CHST9: variants seen among roughly 807,000 people sequenced by gnomAD.
The protein encoded by CHST9 is GalNAc-4-sulfotransferase 2.
Under a neutral mutation model 44.4 loss-of-function variants are expected in CHST9, and 41 were observed. The observed-to-expected ratio is 0.92, with a 90% CI of 0.72 to 1.20. CHST9 has a LOEUF of 1.20. CHST9 is among the 50% of genes most tolerant of loss of function. The pLI is 0.00. For synonymous variants in CHST9, 171 were observed against 178.4 expected (o/e 0.96, Z 0.33); for missense variants, 504 against 516.5 (o/e 0.98, Z 0.23).
chr18:27,077,800 G>T (rs1321438100), intron 2 of CHST9, among the ~76,000 whole-genome samples: 2 of 152,158 alleles, frequency 1.3e-5, no homozygotes, highest in Admixed American at 6.5e-5. Flanking sequence ...TTCTCACACT[G>T]CTATAAAGAC....
At chr18:26,943,757 A>T (rs1259995745) in intron 5 of CHST9, among the ~76,000 whole-genome samples, 1 of 152,208 alleles carries the variant, frequency 6.6e-6, no homozygotes, top group East Asian at 1.9e-4. Context: ...AGTTCTATAG[A>T]AGGACACCAT....
At chr18:27,006,256 T>C (rs2057014453) in intron 4 of CHST9, among the ~76,000 whole-genome samples, 1 of 152,156 alleles carries the variant, frequency 6.6e-6, no homozygotes, top group Non-Finnish European at 1.5e-5. Flanking sequence ...ATTTATTTAT[T>C]TGGTCAGCAT....
intron 2 of CHST9, among the ~76,000 whole-genome samples, chr18:27,073,839 T>C (rs928482493): frequency 6.6e-6 from 1 of 152,134 alleles, no homozygotes; most frequent in Non-Finnish European, 1.5e-5. Context: ...TGACTATATA[T>C]AGTCACAAAT....
In CHST9 at chr18:26,912,808, T is replaced by C. The variant is rs1302887536; in HGVS notation, c.*3451A>G. ...TACGATTACTGTATAATGATCATGATTGAGATTGAGAAGGTATGAGCCTAA... is the reference window on the plus strand; with the variant it reads ...TACGATTACTGTATAATGATCATGACTGAGATTGAGAAGGTATGAGCCTAA... On this transcript the variant is annotated 3_prime_UTR_variant, in exon 6 of 6. Coordinates refer to ENST00000618847, the MANE Select transcript of CHST9 (RefSeq NM_031422.6). 1.3e-5 allele frequency: 2 copies of C among 152,188 alleles called. No homozygotes were observed. The highest frequency in any genetic ancestry group is 3.9e-4 in the East Asian group (2 of 5,192). The allele number at this position is 152,188 out of a possible 1,614,324, so 9.4% of individuals were successfully genotyped here.
chr18:27,178,976 T>C (rs1294239829), intron 1 of CHST9, among the ~76,000 whole-genome samples: 1 of 151,906 alleles, frequency 6.6e-6, no homozygotes, highest in African/African-American at 2.4e-5. Flanking sequence ...AATACCTCCT[T>C]TCCTGTTTTT....
At chr18:27,038,039 T>C (rs1427340638) in intron 3 of CHST9, among the ~76,000 whole-genome samples, 1 of 152,184 alleles carries the variant, frequency 6.6e-6, no homozygotes, top group African/African-American at 2.4e-5. Flanking sequence ...CAGGACCTAA[T>C]ACACATATGT....
chr18:27,006,287 T>A (rs1012168604), intron 4 of CHST9, among the ~76,000 whole-genome samples: 1 of 152,170 alleles, frequency 6.6e-6, no homozygotes, highest in African/African-American at 2.4e-5. Context: ...ATGATGAATC[T>A]ATTTTCAGAG....
rs2055384842 is a variant in CHST9, at chr18:26,907,443, A to G, written c.*8816T>C. The G allele has an allele frequency of 6.6e-6, 1 of 152,184 alleles. No individual in the cohort carries two copies. Among genetic ancestry groups the G allele is most frequent in the Non-Finnish European group, 1.5e-5 (1 of 68,088 alleles). 9.4% of individuals were successfully genotyped at this position (152,184 alleles called of 1,614,324 possible). ...GTCCCACAAGAAACTGGGAATCTGAATCAAAGTTCGTGATAGAAACATAGC... is the reference window on the plus strand; with the variant it reads ...GTCCCACAAGAAACTGGGAATCTGAGTCAAAGTTCGTGATAGAAACATAGC... On this transcript the variant is annotated 3_prime_UTR_variant, in exon 6 of 6. Transcript: ENST00000618847.
At chr18:27,136,092 C>T (rs2058511134) in intron 2 of CHST9, among the ~76,000 whole-genome samples, 1 of 152,186 alleles carries the variant, frequency 6.6e-6, no homozygotes, top group Admixed American at 6.5e-5. Context: ...TGGAACCCAA[C>T]AGTCTGTTTT....
chr18:27,061,148 T>C (rs765940), intron 2 of CHST9, among the ~76,000 whole-genome samples: 118,915 of 151,978 alleles, frequency 0.78, 46,707 homozygotes, highest in African/African-American at 0.83. Flanking sequence ...GAGGACAAAA[T>C]CAACTCACTT....
At chr18:27,006,339 T>C (rs945673658) in intron 4 of CHST9, among the ~76,000 whole-genome samples, 2 of 152,212 alleles carry the variant, frequency 1.3e-5, no homozygotes, top group South Asian at 2.1e-4. Flanking sequence ...GGGTATGCTA[T>C]ATTCATAGAA....
At chr18:27,093,677 A>G (rs1459673475) in intron 2 of CHST9, among the ~76,000 whole-genome samples, 1 of 152,200 alleles carries the variant, frequency 6.6e-6, no homozygotes, top group Non-Finnish European at 1.5e-5. Context: ...GGAAAGGGAA[A>G]TCTCCCAACC....
intron 5 of CHST9, among the ~76,000 whole-genome samples, chr18:26,926,196 C>A (rs232328): frequency 0.43 from 65,149 of 152,036 alleles, 14,410 homozygotes; most frequent in East Asian, 0.71. Flanking sequence ...TCAACACAAA[C>A]CAGCTGTTTC....
At chr18:27,125,935 A>C (rs977781941) in intron 2 of CHST9, among the ~76,000 whole-genome samples, 1 of 152,250 alleles carries the variant, frequency 6.6e-6, no homozygotes, top group Non-Finnish European at 1.5e-5. Flanking sequence ...AAATAAGAGA[A>C]ATAAGGAGTC....
At chr18:27,089,569 C>T (rs2058047179) in intron 2 of CHST9, among the ~76,000 whole-genome samples, 2 of 152,120 alleles carry the variant, frequency 1.3e-5, no homozygotes, top group Admixed American at 6.6e-5. Context: ...CAAGTCTTTG[C>T]TATTGTGAAT....
intron 4 of CHST9, among the ~76,000 whole-genome samples, chr18:27,012,733 C>G (rs1280009490): frequency 6.6e-6 from 1 of 152,126 alleles, no homozygotes; most frequent in Non-Finnish European, 1.5e-5. Context: ...ATGTAGTGAA[C>G]TTAGAACTCT....
At chr18:27,123,224 A>T (rs1439475110) in intron 2 of CHST9, among the ~76,000 whole-genome samples, 1 of 152,162 alleles carries the variant, frequency 6.6e-6, no homozygotes, top group East Asian at 1.9e-4. Flanking sequence ...GGACCATTGG[A>T]TCCACTATGA....
chr18:27,041,951 A>G lies in CHST9; in HGVS notation c.160+6514T>C, dbSNP rs560945264. Among the ~76,000 whole-genome samples the G allele has an allele frequency of 5.9e-5, 9 of 152,208 alleles. No individual in the cohort carries two copies. The East Asian group carries it at 1.7e-3, about 29-fold the overall frequency. ...AATAAATATTGTTCCGAAACCATAA[A>G]CCCAGAGAAAATTGGTTGCTTTTAA... is the stretch of plus-strand genomic sequence containing the variant. On this transcript the variant is annotated intron_variant, in intron 3 of 5. Coordinates refer to ENST00000618847, the MANE Select transcript of CHST9 (RefSeq NM_031422.6).
chr18:27,122,963 C>T (rs556176522), intron 2 of CHST9, among the ~76,000 whole-genome samples: 3 of 152,266 alleles, frequency 2.0e-5, no homozygotes, highest in Admixed American at 6.5e-5. Context: ...GGTGAGGAGA[C>T]GCATCTGTGT....
Sources: allele counts gnomAD v4.1 joint callset (sites outside exome capture counted in the v4.1 genomes callset), GRCh38; gene constraint gnomAD v4.1.1; transcripts MANE v1.5; gene names NCBI Gene and HGNC (gene_info 2026-07-23, HGNC 2026-07-21).